AXIN2: variants seen among roughly 807,000 people sequenced by gnomAD.
AXIN2 encodes axin-2.
Under a neutral mutation model 74.7 loss-of-function variants are expected in AXIN2, and 21 were observed. The observed-to-expected ratio is 0.28, with a 90% CI of 0.20 to 0.40. The LOEUF (loss-of-function observed/expected upper bound fraction) is 0.40. Among genes scored for constraint, AXIN2 ranks in the 10% least tolerant of loss-of-function variants. The pLI, the probability that AXIN2 is intolerant of heterozygous loss-of-function variation, is 1.00. For missense variants in AXIN2, 1,144 were observed against 1,111.1 expected (o/e 1.03, Z -0.42); for synonymous variants, 532 against 454.9 (o/e 1.17, Z -2.16).
chr17:65,538,548 G>C (rs1567757723), intron 4 of AXIN2, among the ~76,000 whole-genome samples: 1 of 151,858 alleles, frequency 6.6e-6, no homozygotes, highest in Non-Finnish European at 1.5e-5. Flanking sequence ...ACCAGCGTTT[G>C]CCTTGGGCAG....
Position 65,558,481 on chromosome 17 carries a change from T to A in AXIN2, c.140A>T (p.Lys47Ile), listed in dbSNP as rs2044309370. Reference sequence around the variant, plus strand: ...GGTGTTGGAAGAGACAGGCATGGGTTTGGTGACCTGGCCCTTGCCCACCCC... The same window carrying A: ...GGTGTTGGAAGAGACAGGCATGGGTATGGTGACCTGGCCCTTGCCCACCCC... Reference protein sequence around the residue: ...QPGVGKGQVTKPMPVSSNTRR... With the variant: ...QPGVGKGQVTIPMPVSSNTRR... Residue 47 changes from lysine to isoleucine, a missense_variant, in exon 2 of 11, where the codon AAA (lysine) becomes ATA (isoleucine). Lys to Ile is a moderately radical substitution (Grantham distance 102). Transcript: ENST00000307078. The A allele has an allele frequency of 6.2e-7, 1 of 1,609,112 alleles. No homozygotes were observed. Among genetic ancestry groups the A allele is most frequent in the Non-Finnish European group, 8.5e-7 (1 of 1,176,674 alleles).
intron 7 of AXIN2, 143 bp from the exon 8 acceptor site, chr17:65,536,696 G>A: frequency 7.3e-7 from 1 of 1,373,862 alleles, no homozygotes; most frequent in Non-Finnish European, 1.0e-6. Context: ...ACAGGGGTCA[G>A]TGCCAAAACA....
At chr17:65,551,351 G>T (rs1028100160) in intron 2 of AXIN2, among the ~76,000 whole-genome samples, 1 of 152,090 alleles carries the variant, frequency 6.6e-6, no homozygotes, top group African/African-American at 2.4e-5. Flanking sequence ...ACTAGGGAGA[G>T]AGAGGGGTCT....
intron 10 of AXIN2, 136 bp downstream of exon 10, chr17:65,533,776 G>A: frequency 1.0e-6 from 1 of 998,448 alleles, no homozygotes; most frequent in East Asian, 2.6e-5. Flanking sequence ...TGAGAAGGGA[G>A]CCTCCCCCAG....
chr17:65,561,298 C>A (rs1325820857), intron 1 of AXIN2, 152 bp downstream of exon 1: 1 of 144,228 alleles, frequency 6.9e-6, no homozygotes, highest in East Asian at 2.1e-4. Context: ...CGCAGGGCCG[C>A]CCCGCCCGCG....
intron 3 of AXIN2, among the ~76,000 whole-genome samples, chr17:65,542,639 AG>A (rs1171806625): frequency 2.0e-5 from 3 of 152,218 alleles, no homozygotes; most frequent in Non-Finnish European, 4.4e-5. Context: ...CACTCCAGCT[AG>A]TGTTCACTAC....
intron 4 of AXIN2, among the ~76,000 whole-genome samples, chr17:65,540,725 C>T (rs904981930): frequency 3.3e-5 from 5 of 152,242 alleles, no homozygotes; most frequent in South Asian, 2.1e-4. Context: ...CACCACCCCC[C>T]CAACCTCAGC....
At chr17:65,530,986 C>T (rs1043836234) in intron 10 of AXIN2, among the ~76,000 whole-genome samples, 1 of 152,218 alleles carries the variant, frequency 6.6e-6, no homozygotes, top group African/African-American at 2.4e-5. Context: ...TAAACCCCTT[C>T]CGAGGAAATT....
In AXIN2 at chr17:65,541,639, T is replaced by C. The variant is rs956237887; in HGVS notation, c.957-82A>G. The stretch of plus-strand genomic sequence containing the variant: ...ACATGGGCTACTGTCATATGCCATC[T>C]TGAGATCCCGCCGACAGGGCCACAT... On this transcript the variant is annotated intron_variant, in intron 3 of 10. Coordinates refer to ENST00000307078, the MANE Select transcript of AXIN2 (RefSeq NM_004655.4). 1.0e-5 allele frequency: 12 copies of C among 1,174,208 alleles called. No homozygotes were observed. The African/African-American group carries it at 1.2e-4, about 12-fold the overall frequency. 72.7% of individuals were successfully genotyped at this position (1,174,208 alleles called of 1,614,324 possible). A position where few individuals can be genotyped will look rare whatever the true frequency, so the allele number is the denominator to read the frequency against.
intron 3 of AXIN2, among the ~76,000 whole-genome samples, chr17:65,547,883 T>C (rs568353157): frequency 6.6e-6 from 1 of 152,318 alleles, no homozygotes; most frequent in East Asian, 1.9e-4. Context: ...GATAACCCTA[T>C]GCACCCTCAT....
In AXIN2 at chr17:65,561,582, G is replaced by A. The variant is rs2044377475; in HGVS notation, c.-249C>T. 1 of 151,514 alleles carries A rather than the reference G, an allele frequency of 6.6e-6. No homozygotes were observed. Among genetic ancestry groups the A allele is most frequent in the Non-Finnish European group, 1.5e-5 (1 of 67,594 alleles). 9.4% of individuals were successfully genotyped at this position (151,514 alleles called of 1,614,324 possible). On this transcript the variant is annotated 5_prime_UTR_variant, in exon 1 of 11. Transcript: ENST00000307078. ...GCCAGGACCTTATCAAAGCGCAGCC[G>A]GCTCCAGCCGACTCCCCCGGGCCAG... is the stretch of plus-strand genomic sequence containing the variant.
intron 3 of AXIN2, 55 bp from the exon 4 acceptor site, chr17:65,541,612 TC>T (rs1598104416): frequency 1.4e-6 from 2 of 1,415,642 alleles, no homozygotes; most frequent in Non-Finnish European, 2.0e-6. Flanking sequence ...TTTCAGCACA[TC>T]ACATGGGCTA....
intron 2 of AXIN2, among the ~76,000 whole-genome samples, chr17:65,550,751 C>A (rs1193351388): frequency 6.6e-6 from 1 of 152,180 alleles, no homozygotes; most frequent in Non-Finnish European, 1.5e-5. Flanking sequence ...ATGAAAAGGA[C>A]CCAGAAAGGT....
intron 10 of AXIN2, among the ~76,000 whole-genome samples, chr17:65,532,454 C>T (rs1055547887): frequency 4.6e-5 from 7 of 152,208 alleles, no homozygotes; most frequent in Non-Finnish European, 1.0e-4. Context: ...CCTGTTCCCC[C>T]ACCCCTTTGA....
chr17:65,552,694 A>G (rs2044210904), intron 2 of AXIN2, among the ~76,000 whole-genome samples: 1 of 152,186 alleles, frequency 6.6e-6, no homozygotes, highest in Non-Finnish European at 1.5e-5. Flanking sequence ...TTTGGGGGAA[A>G]TCACAGGAAA....
chr17:65,534,132 C>A, intron 9 of AXIN2, 53 bp from the exon 10 acceptor site: 1 of 1,600,104 alleles, frequency 6.2e-7, no homozygotes, highest in Non-Finnish European at 8.6e-7. Flanking sequence ...AGACACACAT[C>A]TAAAGCAAAC....
At position 65,537,062 on chromosome 17, in the gene AXIN2, C is replaced by A. The variant is rs753824435; in HGVS notation, c.1714G>T (p.Gly572Cys). The change falls in exon 7 of 11, where the codon GGC becomes TGC. Residue 572 changes from glycine (G) to cysteine (C), a missense_variant and splice_region_variant. By Grantham distance (159) the Gly-to-Cys change is radical. Coordinates refer to ENST00000307078, the MANE Select transcript of AXIN2 (RefSeq NM_004655.4). Reference protein sequence around the residue: ...PETMPSEQFGGSRGSTLPKRN... With the variant: ...PETMPSEQFGCSRGSTLPKRN... Reference sequence around the variant, plus strand: ...TTGGGCAAGGTACTGCCTCTGCTGCCGCTGTGGGGAACCAAGAACCACACC... The same window carrying A: ...TTGGGCAAGGTACTGCCTCTGCTGCAGCTGTGGGGAACCAAGAACCACACC... The A allele has an allele frequency of 6.2e-7, 1 of 1,603,018 alleles. No homozygotes were observed. Among genetic ancestry groups the A allele is most frequent in the African/African-American group, 1.3e-5 (1 of 74,896 alleles).
At position 65,537,790 on chromosome 17, in the gene AXIN2, C is replaced by G. The variant is rs765015663; in HGVS notation, c.1246G>C (p.Gly416Arg). The G allele has an allele frequency of 6.3e-7, 1 of 1,588,636 alleles. No homozygotes were observed. Among genetic ancestry groups the G allele is most frequent in the Non-Finnish European group, 8.6e-7 (1 of 1,167,732 alleles). Reference protein sequence around the residue: ...GSELTLNSREGAPTQHPLSLL... With the variant: ...GSELTLNSRERAPTQHPLSLL... The stretch of plus-strand genomic sequence containing the variant: ...GAGAGGGGGTGCTGCGTGGGCGCCC[C>G]CTCCCGCGAATTGAGTGTGAGCTCG... Residue 416 changes from glycine to arginine, a missense_variant, in exon 6 of 11, where the codon GGG (glycine) becomes CGG (arginine). By Grantham distance (125) the Gly-to-Arg change is moderately radical. This residue lies in a region of AXIN2 where 1,053 missense variants were observed against 973.5 expected (regional missense o/e 1.08). Transcript: ENST00000307078.
At chr17:65,561,150 T>G (rs1055760111) in intron 1 of AXIN2, 16 of 149,772 alleles carry the variant, frequency 1.1e-4, no homozygotes, top group Non-Finnish European at 2.4e-4. Context: ...GCACCAAATG[T>G]CCTCCGGGCG....
Sources: gnomAD v4.1 joint callset for allele counts (sites outside exome capture counted in the v4.1 genomes callset) on GRCh38, gnomAD v4.1.1 for gene constraint, gnomAD v4.1.1 regional missense constraint, MANE v1.5 for transcripts, NCBI Gene and HGNC (gene_info 2026-07-23, HGNC 2026-07-21) for gene names.